The following RNGTT variants were observed in gnomAD, a reference collection of about 807,000 sequenced individuals.
The protein encoded by RNGTT is RNA guanylyltransferase and 5'-phosphatase.
Under a neutral mutation model 79.3 loss-of-function variants are expected in RNGTT, and 33 were observed. The observed-to-expected ratio is 0.42, with a 90% confidence interval of 0.32 to 0.56. The LOEUF is 0.56. RNGTT is among the 20% of genes least tolerant of loss of function. The probability of loss-of-function intolerance (pLI) is 0.17; values close to 1 mark genes in which losing one functional copy is unlikely to be tolerated. For missense variants in RNGTT, 497 were observed against 739.1 expected (o/e 0.67, Z 3.80); for synonymous variants, 222 against 235.9 (o/e 0.94, Z 0.54).
In RNGTT at chr6:88,942,179, C is replaced by T. The variant is rs148227938; in HGVS notation, c.65-999G>A. On this transcript the variant is annotated intron_variant, in intron 1 of 15. Coordinates refer to ENST00000369485, the MANE Select transcript of RNGTT (RefSeq NM_003800.5). ...AAAAGTTGTAGGCTTTATTCTATAT[C>T]TCAGGATAAAGACCATGCTAGAATA... Among the ~76,000 whole-genome samples the T allele has an allele frequency of 2.2e-3, 337 of 152,178 alleles. 2 individuals carry two copies. The highest frequency in any genetic ancestry group is 7.9e-3 in the African/African-American group (330 of 41,522).
In RNGTT at chr6:88,612,846, T is replaced by C. The variant is rs1449434185; in HGVS notation, c.1667A>G (p.Glu556Gly). ...CNSISNPVTK[E>G]MLFEFIDRCT... ...TCTGTCGATGAACTCAAACAGCATC[T>C]CCTTGGTGACAGGGTTTGAGATGCT... Residue 556 changes from glutamate (E) to glycine (G), a missense_variant, in exon 16 of 16, where the codon GAG becomes GGG. Physicochemically the swap from Glu to Gly is moderately conservative, Grantham distance 98. This residue lies in a region of RNGTT where 4 missense variants were observed against 17.1 expected (regional missense o/e 0.23). Coordinates refer to ENST00000369485, the MANE Select transcript of RNGTT (RefSeq NM_003800.5). 1 of 1,613,700 alleles carries C rather than the reference T, an allele frequency of 6.2e-7. No individual in the cohort carries two copies. Among genetic ancestry groups the C allele is most frequent in the African/African-American group, 1.3e-5 (1 of 74,898 alleles).
chr6:88,732,885 T>G (rs1008351903), intron 13 of RNGTT, among the ~76,000 whole-genome samples: 1 of 152,158 alleles, frequency 6.6e-6, no homozygotes, highest in African/African-American at 2.4e-5. Flanking sequence ...GATGGTGGCA[T>G]AATATTAGGA....
chr6:88,706,171 A>C (rs755093387), intron 13 of RNGTT, among the ~76,000 whole-genome samples: 28 of 152,092 alleles, frequency 1.8e-4, no homozygotes, highest in South Asian at 4.1e-4. Context: ...AAGCATCATG[A>C]GACAAGTCTT....
At chr6:88,718,778 C>A (rs1776608872) in intron 13 of RNGTT, among the ~76,000 whole-genome samples, 1 of 151,766 alleles carries the variant, frequency 6.6e-6, no homozygotes, top group Admixed American at 6.6e-5. Context: ...TGCTATCTTC[C>A]AATTAGGAAA....
chr6:88,787,427 G>A (rs763285672), intron 12 of RNGTT, among the ~76,000 whole-genome samples: 2 of 152,060 alleles, frequency 1.3e-5, no homozygotes, highest in African/African-American at 2.4e-5. Context: ...TTGGGAGGCC[G>A]AGGTGGGCGG....
chr6:88,839,319 T>G (rs1369026365), intron 11 of RNGTT, among the ~76,000 whole-genome samples: 3 of 152,028 alleles, frequency 2.0e-5, no homozygotes, highest in African/African-American at 7.2e-5. Flanking sequence ...GCCTGTAATC[T>G]CAACACTTTG....
At chr6:88,673,264 C>T (rs954259331) in intron 14 of RNGTT, among the ~76,000 whole-genome samples, 5 of 152,168 alleles carry the variant, frequency 3.3e-5, no homozygotes, top group African/African-American at 1.2e-4. Context: ...AAAAGCAAAG[C>T]AGTCTCCATT....
intron 11 of RNGTT, among the ~76,000 whole-genome samples, chr6:88,834,243 T>C (rs1562276603): frequency 6.6e-6 from 1 of 152,220 alleles, no homozygotes; most frequent in East Asian, 1.9e-4. Context: ...TAAGATTTAC[T>C]ACTCCAAAAG....
chr6:88,912,296 T>C (rs1238327692), intron 4 of RNGTT, among the ~76,000 whole-genome samples: 1 of 151,696 alleles, frequency 6.6e-6, no homozygotes, highest in Non-Finnish European at 1.5e-5. Flanking sequence ...CCTGTAATCC[T>C]AGCTACTCAG....
chr6:88,941,168 G>C lies in RNGTT; in HGVS notation c.77C>G (p.Pro26Arg). The change falls in exon 2 of 16, where the codon CCT becomes CGT. Residue 26 changes from proline to arginine, a missense_variant. Physicochemically the swap from Pro to Arg is moderately radical, Grantham distance 103. Transcript: ENST00000369485. ...TCTTGGTCCTAACATTGTCTTCAGA[G>C]GTAAGAATCTTCCTAAACAACACAG... ...RGQPVAGRFLPLKTMLGPRYD... is the reference protein window; with the variant it reads ...RGQPVAGRFLRLKTMLGPRYD... The C allele has an allele frequency of 6.2e-7, 1 of 1,600,790 alleles. No homozygotes were observed. Among genetic ancestry groups the C allele is most frequent in the South Asian group, 1.1e-5 (1 of 89,726 alleles).
chr6:88,731,858 CA>C (rs1217947365), intron 13 of RNGTT, among the ~76,000 whole-genome samples: 3 of 151,992 alleles, frequency 2.0e-5, no homozygotes, highest in Admixed American at 6.6e-5. Context: ...TTACCAATAA[CA>C]TAATCAATTA....
chr6:88,886,668 A>AT, intron 8 of RNGTT, among the ~76,000 whole-genome samples: 1 of 152,120 alleles, frequency 6.6e-6, no homozygotes, highest in Non-Finnish European at 1.5e-5. Context: ...AAGACATCTC[A>AT]TTTTTAAAAG....
At chr6:88,707,723 A>AT (rs1217957513) in intron 13 of RNGTT, among the ~76,000 whole-genome samples, 2 of 133,848 alleles carry the variant, frequency 1.5e-5, no homozygotes, top group Non-Finnish European at 3.0e-5. Context: ...CTTCCCTAAC[A>AT]TTAAAAAAAA....
At chr6:88,927,232 C>A (rs1009034368) in intron 4 of RNGTT, among the ~76,000 whole-genome samples, 3 of 152,126 alleles carry the variant, frequency 2.0e-5, no homozygotes, top group Non-Finnish European at 4.4e-5. Flanking sequence ...ATGTAGAAAA[C>A]ATTTAATTGG....
chr6:88,614,335 T>G lies in RNGTT; in HGVS notation c.1567A>C (p.Ser523Arg). ...GTTCTCTGTCTCATGAAGACCCAGCTGTTGTTCTCAAATTTGCATTCTATA... is the reference window on the plus strand; with the variant it reads ...GTTCTCTGTCTCATGAAGACCCAGCGGTTGTTCTCAAATTTGCATTCTATA... ...KIIECKFENN[S>R]WVFMRQRTDK... Residue 523 changes from serine to arginine, a missense_variant, in exon 15 of 16, where the codon AGC (serine) becomes CGC (arginine). Coordinates refer to ENST00000369485, the MANE Select transcript of RNGTT (RefSeq NM_003800.5). 1.2e-6 allele frequency: 2 copies of G among 1,613,746 alleles called. No individual in the cohort carries two copies. The highest frequency in any genetic ancestry group is 2.2e-5 in the South Asian group (2 of 91,058).
At chr6:88,651,085 T>TTTA (rs1347438014) in intron 14 of RNGTT, among the ~76,000 whole-genome samples, 2 of 152,016 alleles carry the variant, frequency 1.3e-5, no homozygotes, top group Admixed American at 6.6e-5. Context: ...TTGAGCTCTC[T>TTTA]TTATACTCCC....
intron 14 of RNGTT, among the ~76,000 whole-genome samples, chr6:88,617,736 T>C (rs576625329): frequency 2.6e-5 from 4 of 152,306 alleles, no homozygotes; most frequent in African/African-American, 7.2e-5. Flanking sequence ...ATTGGGATTT[T>C]GATAGGGGTG....
At chr6:88,872,713 T>A (rs1046681303) in intron 8 of RNGTT, among the ~76,000 whole-genome samples, 7 of 152,036 alleles carry the variant, frequency 4.6e-5, no homozygotes, top group African/African-American at 1.4e-4. Flanking sequence ...ATGAAGATAA[T>A]GAAGGGAAGG....
chr6:88,912,569 T>C (rs1055028416), intron 4 of RNGTT, among the ~76,000 whole-genome samples: 1 of 151,626 alleles, frequency 6.6e-6, no homozygotes, highest in Non-Finnish European at 1.5e-5. Context: ...CAAAAAGCCA[T>C]GTAAAGAAAA....
Sources: gnomAD v4.1 joint callset for allele counts (sites outside exome capture counted in the v4.1 genomes callset) on GRCh38, gnomAD v4.1.1 for gene constraint, gnomAD v4.1.1 regional missense constraint, MANE v1.5 for transcripts, NCBI Gene and HGNC (gene_info 2026-07-23, HGNC 2026-07-21) for gene names.